The following SMAD1 variants were observed in gnomAD, a reference collection of about 807,000 sequenced individuals.
SMAD1 encodes MAD, mothers against decapentaplegic homolog 1.
SMAD1 carries 6 observed loss-of-function variants against 41.6 expected under a neutral mutation model. The ratio of observed to expected loss-of-function variants is 0.14; its 90% CI spans 0.08 to 0.28. The LOEUF is 0.28. Ranked by LOEUF, SMAD1 falls within the 10% of genes least tolerant of loss-of-function variation. SMAD1 has a pLI of 1.00. For synonymous variants in SMAD1, 206 were observed against 203.2 expected (o/e 1.01, Z -0.12); for missense variants, 379 against 582.6 (o/e 0.65, Z 3.60).
Position 145,518,591 on chromosome 4 carries a change from G to A in SMAD1, c.400+3578G>A, listed in dbSNP as rs969364649. On this transcript the variant is annotated intron_variant, in intron 2 of 6. Transcript: ENST00000302085. ...CAGAGTACACCTGGGTATTGTTTTT[G>A]TGAAATCAGAAAAAGGGGGTCTGGA... Among the ~76,000 whole-genome samples the A allele has an allele frequency of 6.4e-5, 8 of 125,730 alleles. 2 individuals are homozygous for A. Among genetic ancestry groups the A allele is most frequent in the African/African-American group, 5.1e-5 (2 of 39,350 alleles). The allele number at this position is 125,730 out of a possible 152,430, so 82.5% of individuals were successfully genotyped here. A position where few individuals can be genotyped will look rare whatever the true frequency, so the allele number is the denominator to read the frequency against.
At chr4:145,528,357 C>G (rs1158921364) in intron 2 of SMAD1, among the ~76,000 whole-genome samples, 1 of 151,990 alleles carries the variant, frequency 6.6e-6, no homozygotes, top group Admixed American at 6.6e-5. Flanking sequence ...CCCTCCTCAG[C>G]CTCCCAAAGT....
intron 2 of SMAD1, among the ~76,000 whole-genome samples, chr4:145,523,593 C>CT (rs1400885145): frequency 2.6e-5 from 4 of 151,986 alleles, no homozygotes; most frequent in Admixed American, 2.0e-4. Flanking sequence ...ACAAAAATAA[C>CT]TATCGTTATT....
At chr4:145,556,389 G>GAT (rs1375930127) in intron 6 of SMAD1, among the ~76,000 whole-genome samples, 55 of 151,788 alleles carry the variant, frequency 3.6e-4, no homozygotes, top group South Asian at 1.9e-3. Flanking sequence ...CATCTATGTA[G>GAT]ATATATATAT....
Position 145,557,968 on chromosome 4 carries a change from G to A in SMAD1, c.*34G>A. ...AGGCATCTGCCTCTGGAAAACTATTGAGCCTTGCATGTACTTGAAGGATGG... is the reference window on the plus strand; with the variant it reads ...AGGCATCTGCCTCTGGAAAACTATTAAGCCTTGCATGTACTTGAAGGATGG... On this transcript the variant is annotated 3_prime_UTR_variant, in exon 7 of 7. Coordinates refer to ENST00000302085, the MANE Select transcript of SMAD1 (RefSeq NM_005900.3). The A allele has an allele frequency of 6.4e-7, 1 of 1,555,246 alleles. No homozygotes were observed. The highest frequency in any genetic ancestry group is 8.7e-7 in the Non-Finnish European group (1 of 1,143,034).
upstream of SMAD1, among the ~76,000 whole-genome samples, chr4:145,480,830 C>A (rs1336996765): frequency 6.6e-6 from 1 of 151,674 alleles, no homozygotes; most frequent in African/African-American, 2.4e-5. Flanking sequence ...AGATGAGGCC[C>A]ACGAATTGAC....
chr4:145,487,551 A>G (rs1728540589), intron 1 of SMAD1, among the ~76,000 whole-genome samples: 1 of 152,162 alleles, frequency 6.6e-6, no homozygotes, highest in African/African-American at 2.4e-5. Flanking sequence ...ATCTGGTAGT[A>G]CAAATATTCA....
intron 1 of SMAD1, among the ~76,000 whole-genome samples, chr4:145,490,017 C>T (rs967526979): frequency 3.3e-5 from 5 of 152,130 alleles, no homozygotes; most frequent in African/African-American, 1.2e-4. Flanking sequence ...GGAAAATGTA[C>T]AGTTCAGGGT....
intron 1 of SMAD1, among the ~76,000 whole-genome samples, chr4:145,499,280 C>G (rs1729288824): frequency 6.6e-6 from 1 of 152,170 alleles, no homozygotes. Context: ...CTAACTTTAT[C>G]TGACAGGTCA....
intron 3 of SMAD1, among the ~76,000 whole-genome samples, chr4:145,542,054 G>C (rs1322083782): frequency 6.6e-6 from 1 of 152,210 alleles, no homozygotes; most frequent in East Asian, 1.9e-4. Flanking sequence ...AATGAGTAGG[G>C]AGAGTGTGGT....
At chr4:145,549,886 TGG>T (rs1322426158) in intron 5 of SMAD1, among the ~76,000 whole-genome samples, 1 of 152,242 alleles carries the variant, frequency 6.6e-6, no homozygotes, top group African/African-American at 2.4e-5. Flanking sequence ...TATCTTTCTG[TGG>T]TCTGTAAACC....
intron 1 of SMAD1, among the ~76,000 whole-genome samples, chr4:145,493,459 G>C (rs1728887548): frequency 6.6e-6 from 1 of 152,038 alleles, no homozygotes; most frequent in African/African-American, 2.4e-5. Context: ...TGTGCTCAGG[G>C]CTTCTATTTA....
chr4:145,557,666 G>T (rs141611793), intron 6 of SMAD1, 125 bp from the exon 7 acceptor site: 1 of 626,238 alleles, frequency 1.6e-6, no homozygotes. Flanking sequence ...CCCCAGGGGC[G>T]GGGGGGTCAG....
At chr4:145,500,255 G>A (rs566762348) in intron 1 of SMAD1, among the ~76,000 whole-genome samples, 10 of 152,168 alleles carry the variant, frequency 6.6e-5, no homozygotes, top group Admixed American at 2.0e-4. Context: ...CTCTAAGTTG[G>A]ATGATGGCTC....
At chr4:145,549,800 T>C (rs1228246777) in intron 5 of SMAD1, among the ~76,000 whole-genome samples, 2 of 152,208 alleles carry the variant, frequency 1.3e-5, no homozygotes, top group South Asian at 2.1e-4. Context: ...TATTCTCTTA[T>C]ATAATTAAAG....
chr4:145,495,231 A>AG, intron 1 of SMAD1, among the ~76,000 whole-genome samples: 1 of 152,314 alleles, frequency 6.6e-6, no homozygotes, highest in East Asian at 1.9e-4. Context: ...AGGATAAAAA[A>AG]GGGGATCAGG....
At chr4:145,533,173 C>G (rs1356906653) in intron 2 of SMAD1, among the ~76,000 whole-genome samples, 1 of 152,068 alleles carries the variant, frequency 6.6e-6, no homozygotes, top group East Asian at 1.9e-4. Flanking sequence ...TGTCTCCTCT[C>G]TGCCACATTA....
In SMAD1 at chr4:145,542,606, T is replaced by C; in HGVS notation, c.683T>C (p.Leu228Pro). The C allele has an allele frequency of 6.2e-7, 1 of 1,610,320 alleles. No individual in the cohort carries two copies. The highest frequency in any genetic ancestry group is 8.5e-7 in the Non-Finnish European group (1 of 1,178,574). The part of the protein sequence containing the change: ...MPADTPPPAY[L>P]PPEDPMTQDG... ...GCTGATACGCCCCCACCTGCTTACC[T>C]GCCTCCTGAAGACCCCATGACCCAG... The change falls in exon 4 of 7, where the codon CTG (leucine) becomes CCG (proline). Residue 228 changes from leucine to proline, a missense_variant. Leu to Pro is a moderately conservative substitution (Grantham distance 98). Transcript: ENST00000302085.
At chr4:145,555,557 A>G (rs1732793855) in intron 6 of SMAD1, among the ~76,000 whole-genome samples, 1 of 152,106 alleles carries the variant, frequency 6.6e-6, no homozygotes, top group Non-Finnish European at 1.5e-5. Context: ...AGAATTTATT[A>G]CTTTAATGTT....
intron 1 of SMAD1, among the ~76,000 whole-genome samples, chr4:145,502,607 C>CTAAA: frequency 6.6e-6 from 1 of 152,266 alleles, no homozygotes; most frequent in Non-Finnish European, 1.5e-5. Context: ...AGAAAGAACT[C>CTAAA]TTTTTAAAGA....
Sources: gnomAD v4.1 joint callset for allele counts (sites outside exome capture counted in the v4.1 genomes callset) on GRCh38, gnomAD v4.1.1 for gene constraint, MANE v1.5 for transcripts, NCBI Gene and HGNC (gene_info 2026-07-23, HGNC 2026-07-21) for gene names.